Variants in EGLN1 observed in about 807,000 individuals in gnomAD.
EGLN1 encodes egl-9 family hypoxia inducible factor 1.
EGLN1 carries 17 observed loss-of-function variants against 38.3 expected under a neutral mutation model. That is an observed-to-expected ratio of 0.44 (90% CI 0.30 to 0.67). The LOEUF is 0.67. Ranked by LOEUF, EGLN1 falls within the 30% of genes least tolerant of loss-of-function variation. EGLN1 has a pLI of 0.08. For synonymous variants in EGLN1, 283 were observed against 257.5 expected (o/e 1.10, Z -0.95); for missense variants, 477 against 603.3 (o/e 0.79, Z 2.19).
chr1:231,403,767 CAAAAA>C (rs1167705317), intron 1 of EGLN1, among the ~76,000 whole-genome samples: 1 of 18,302 alleles, frequency 5.5e-5, no homozygotes, highest in Non-Finnish European at 1.3e-4. Flanking sequence ...GACTCCATCT[CAAAAA>C]AAAAAAAAAA....
intron 1 of EGLN1, among the ~76,000 whole-genome samples, chr1:231,402,328 T>G (rs1688683096): frequency 2.9e-5 from 1 of 34,828 alleles, no homozygotes; most frequent in African/African-American, 5.1e-5. Context: ...ATCAGTGTTT[T>G]TCTTTTATGG....
intron 1 of EGLN1, among the ~76,000 whole-genome samples, chr1:231,378,035 T>C (rs900211391): frequency 9.2e-5 from 14 of 152,216 alleles, no homozygotes; most frequent in African/African-American, 3.1e-4. Context: ...AAAGTGGCCA[T>C]TACCACTTTA....
chr1:231,416,249 C>T (rs1689077656), intron 1 of EGLN1, among the ~76,000 whole-genome samples: 1 of 152,024 alleles, frequency 6.6e-6, no homozygotes, highest in African/African-American at 2.4e-5. Context: ...CGTCCCACCT[C>T]AGCCTCCCAG....
At chr1:231,396,295 C>A (rs903368298) in intron 1 of EGLN1, among the ~76,000 whole-genome samples, 4 of 149,706 alleles carry the variant, frequency 2.7e-5, no homozygotes, top group African/African-American at 4.9e-5. Context: ...CGCTCTGTTG[C>A]CAGGCTGGAA....
intron 1 of EGLN1, among the ~76,000 whole-genome samples, chr1:231,414,449 A>G (rs1689025048): frequency 6.6e-6 from 1 of 152,258 alleles, no homozygotes; most frequent in South Asian, 2.1e-4. Flanking sequence ...AAACAGGAGT[A>G]AACTGTCACT....
Position 231,421,773 on chromosome 1 carries a change from G to A in EGLN1, c.116C>T (p.Ser39Phe). The A allele has an allele frequency of 6.4e-7, 1 of 1,557,614 alleles. No individual in the cohort carries two copies. Among genetic ancestry groups the A allele is most frequent in the South Asian group, 1.2e-5 (1 of 85,972 alleles). Reference sequence around the variant, plus strand: ...CTGGTGCTCCTTGCAGCAGTAGAAGGAGCTGCGGCAGCGGCTGCAGCGCAG... The same window carrying A: ...CTGGTGCTCCTTGCAGCAGTAGAAGAAGCTGCGGCAGCGGCTGCAGCGCAG... ...NLLRCSRCRS[S>F]FYCCKEHQRQ... is the part of the protein sequence containing the mutation. Residue 39 changes from serine to phenylalanine, a missense_variant, in exon 1 of 5, where the codon TCC becomes TTC. Coordinates refer to ENST00000366641, the MANE Select transcript of EGLN1 (RefSeq NM_022051.3). The surrounding 1 kb of genome is among the most constrained non-coding windows in gnomAD (Gnocchi z 5.5).
chr1:231,370,923 G>A (rs974203480), intron 2 of EGLN1, among the ~76,000 whole-genome samples: 5 of 152,084 alleles, frequency 3.3e-5, no homozygotes, highest in South Asian at 2.1e-4. Context: ...ATGGAGTCTC[G>A]CTGTCACCCA....
At chr1:231,405,233 C>T (rs1231198695) in intron 1 of EGLN1, among the ~76,000 whole-genome samples, 5 of 152,136 alleles carry the variant, frequency 3.3e-5, no homozygotes, top group African/African-American at 9.6e-5. Flanking sequence ...AGTGCGGTGG[C>T]GCTATCTGGC....
intron 3 of EGLN1, 62 bp downstream of exon 3, chr1:231,370,500 T>C: frequency 1.3e-6 from 2 of 1,572,784 alleles, no homozygotes; most frequent in Non-Finnish European, 1.7e-6. Context: ...TCACGTTTAC[T>C]CTACAGATTC....
intron 1 of EGLN1, among the ~76,000 whole-genome samples, chr1:231,406,641 A>G (rs1234654322): frequency 1.3e-5 from 2 of 152,132 alleles, no homozygotes; most frequent in Non-Finnish European, 2.9e-5. Context: ...CCATAACGTG[A>G]TATGAAATGC....
chr1:231,420,936 C>A lies in EGLN1; in HGVS notation c.891+62G>T, dbSNP rs2102946699. Reference sequence around the variant, plus strand: ...GCTTCTCAGCCTAGGCAGTTTCAGTCGCAGGCAGGGGCTGCCCGCCGAGAA... The same window carrying A: ...GCTTCTCAGCCTAGGCAGTTTCAGTAGCAGGCAGGGGCTGCCCGCCGAGAA... On this transcript the variant is annotated intron_variant, in intron 1 of 4. Transcript: ENST00000366641. The A allele has an allele frequency of 1.9e-6, 3 of 1,613,248 alleles. No individual in the cohort carries two copies. The South Asian group carries it at 3.3e-5, about 18-fold the overall frequency.
At chr1:231,389,872 C>T (rs369898720) in intron 1 of EGLN1, among the ~76,000 whole-genome samples, 4 of 152,062 alleles carry the variant, frequency 2.6e-5, no homozygotes, top group African/African-American at 4.8e-5. Flanking sequence ...CACTTGAACC[C>T]GGGAGGCAGA....
intron 1 of EGLN1, among the ~76,000 whole-genome samples, chr1:231,382,864 C>T (rs1178761172): frequency 2.0e-5 from 3 of 151,968 alleles, no homozygotes; most frequent in Non-Finnish European, 4.4e-5. Context: ...TTGAGACCAG[C>T]CTGGCCAACA....
At chr1:231,380,272 C>T (rs547416544) in intron 1 of EGLN1, among the ~76,000 whole-genome samples, 145 of 146,412 alleles carry the variant, frequency 9.9e-4, no homozygotes, top group African/African-American at 3.5e-3. Context: ...GCGGAGATCG[C>T]GCCACTGCAC....
At chr1:231,387,329 AT>A (rs374965536) in intron 1 of EGLN1, among the ~76,000 whole-genome samples, 111 of 149,078 alleles carry the variant, frequency 7.4e-4, no homozygotes, top group African/African-American at 2.6e-3. Flanking sequence ...ATGTGTTTTT[AT>A]TTTGGCCCTA....
intron 1 of EGLN1, among the ~76,000 whole-genome samples, chr1:231,395,958 G>A (rs762653871): frequency 5.4e-5 from 8 of 149,250 alleles, no homozygotes; most frequent in Admixed American, 1.3e-4. Context: ...CACACCCAAC[G>A]CACCGCTTTC....
intron 1 of EGLN1, among the ~76,000 whole-genome samples, chr1:231,379,166 C>T (rs138103637): frequency 3.9e-5 from 6 of 152,172 alleles, no homozygotes; most frequent in Admixed American, 3.9e-4. Context: ...TTCTTCAATT[C>T]CTTGCTCCAG....
At chr1:231,379,279 C>T (rs971099853) in intron 1 of EGLN1, among the ~76,000 whole-genome samples, 1 of 152,152 alleles carries the variant, frequency 6.6e-6, no homozygotes, top group Non-Finnish European at 1.5e-5. Context: ...ATGCCTAATG[C>T]CCAATTCTCC....
At chr1:231,404,807 G>T (rs1238781797) in intron 1 of EGLN1, among the ~76,000 whole-genome samples, 1 of 151,982 alleles carries the variant, frequency 6.6e-6, no homozygotes, top group Non-Finnish European at 1.5e-5. Flanking sequence ...ATCTGCTAAC[G>T]GAGAAGGCAT....
Sources: allele counts gnomAD v4.1 joint callset (sites outside exome capture counted in the v4.1 genomes callset), GRCh38; gene constraint gnomAD v4.1.1; non-coding constraint Gnocchi (gnomAD v3.1); transcripts MANE v1.5; gene names NCBI Gene and HGNC (gene_info 2026-07-23, HGNC 2026-07-21).